CSGALNACT1: variants seen among roughly 807,000 people sequenced by gnomAD.
CSGALNACT1 encodes beta4GalNAcT-1.
CSGALNACT1 carries 52 observed loss-of-function variants against 51.0 expected under a neutral mutation model. The observed-to-expected ratio is 1.02, with a 90% confidence interval of 0.82 to 1.29. CSGALNACT1 has a LOEUF of 1.29. Among genes scored for constraint, CSGALNACT1 ranks in the 50% most tolerant of loss-of-function variants. The probability of loss-of-function intolerance (pLI) is 0.00; values close to 1 mark genes in which losing one functional copy is unlikely to be tolerated. For missense variants in CSGALNACT1, 935 were observed against 679.2 expected (o/e 1.38, Z -4.19); for synonymous variants, 341 against 254.4 (o/e 1.34, Z -3.24).
At chr8:19,523,691 A>G (rs1039761283) in intron 3 of CSGALNACT1, among the ~76,000 whole-genome samples, 1 of 152,202 alleles carries the variant, frequency 6.6e-6, no homozygotes, top group African/African-American at 2.4e-5. Flanking sequence ...TCAAATATCT[A>G]TTAAATGCTT....
rs180886750 is a variant in CSGALNACT1, at chr8:19,471,632, T to C, written c.635-12990A>G. Among the ~76,000 whole-genome samples, 7 of 152,224 alleles carry C rather than the reference T, an allele frequency of 4.6e-5. No homozygotes were observed. The East Asian group carries it at 1.4e-3, about 29-fold the overall frequency. On this transcript the variant is annotated intron_variant, in intron 4 of 9. Transcript: ENST00000454498. ...GGTAACTCAGGGTAACTCCTATCTC[T>C]TCCACCGGTAACAGAGGGGTTACAT...
intron 3 of CSGALNACT1, among the ~76,000 whole-genome samples, chr8:19,510,812 T>C (rs1029496371): frequency 7.2e-5 from 11 of 152,228 alleles, no homozygotes; most frequent in African/African-American, 2.7e-4. Flanking sequence ...TAGTTACAGA[T>C]ACTGTTTACC....
At chr8:19,731,147 C>T (rs2063670657) in intron 1 of CSGALNACT1, among the ~76,000 whole-genome samples, 1 of 152,114 alleles carries the variant, frequency 6.6e-6, no homozygotes, top group African/African-American at 2.4e-5. Flanking sequence ...CTTGTGACGC[C>T]ACTTTTTCAT....
chr8:19,544,096 G>T (rs567383881), intron 3 of CSGALNACT1, among the ~76,000 whole-genome samples: 2 of 148,838 alleles, frequency 1.3e-5, no homozygotes, highest in African/African-American at 5.0e-5. Context: ...TTTTAAACAA[G>T]TTGTTTTGCT....
At chr8:19,454,542 A>T (rs911799523) in intron 5 of CSGALNACT1, among the ~76,000 whole-genome samples, 4 of 152,072 alleles carry the variant, frequency 2.6e-5, no homozygotes, top group Non-Finnish European at 4.4e-5. Context: ...GTGGTGGTAC[A>T]TGCCTGTAAT....
intron 1 of CSGALNACT1, among the ~76,000 whole-genome samples, chr8:19,729,529 G>C (rs955924813): frequency 2.6e-5 from 4 of 152,188 alleles, no homozygotes; most frequent in African/African-American, 9.7e-5. Flanking sequence ...CTGGGATGCT[G>C]TAGAGAGGTT....
chr8:19,485,369 C>A lies in CSGALNACT1; in HGVS notation c.634+19832G>T, dbSNP rs1224390322. Among the ~76,000 whole-genome samples, 4 of 152,204 alleles carry A rather than the reference C, an allele frequency of 2.6e-5. No homozygotes were observed. In the East Asian group the frequency reaches 5.8e-4, roughly 22 times the overall value. ...CCAGATTCCGACTAGGCACTTCTAA[C>A]CCCCTCCACTGTGAGAGATAAAAAT... On this transcript the variant is annotated intron_variant, in intron 4 of 9. Transcript: ENST00000454498.
At chr8:19,523,178 GCAC>G (rs2081056159) in intron 3 of CSGALNACT1, among the ~76,000 whole-genome samples, 1 of 152,156 alleles carries the variant, frequency 6.6e-6, no homozygotes, top group Admixed American at 6.5e-5. Context: ...GAGGGGCGGG[GCAC>G]CACCTTCTCA....
intron 1 of CSGALNACT1, among the ~76,000 whole-genome samples, chr8:19,755,456 C>CAAAAAAAGAAAAAAAAA (rs2065300008): frequency 1.3e-5 from 1 of 74,532 alleles, no homozygotes; most frequent in East Asian, 5.8e-4. Flanking sequence ...TAAAGAAAGA[C>CAAAAAAAGAAAAAAAAA]AAAAAAAAAA....
At chr8:19,655,636 G>T (rs1589296135) in intron 1 of CSGALNACT1, among the ~76,000 whole-genome samples, 2 of 151,820 alleles carry the variant, frequency 1.3e-5, no homozygotes, top group Admixed American at 1.3e-4. Flanking sequence ...CTATGCTATA[G>T]TCTCAAACTC....
intron 3 of CSGALNACT1, among the ~76,000 whole-genome samples, chr8:19,542,448 G>A (rs772651188): frequency 6.6e-6 from 1 of 152,174 alleles, no homozygotes; most frequent in African/African-American, 2.4e-5. Flanking sequence ...GGGGTTCCAT[G>A]TGACAGTCTC....
At chr8:19,544,837 A>G (rs2086091925) in intron 3 of CSGALNACT1, among the ~76,000 whole-genome samples, 1 of 152,160 alleles carries the variant, frequency 6.6e-6, no homozygotes, top group Non-Finnish European at 1.5e-5. Flanking sequence ...TCTCCAAGTA[A>G]AAGCTGTGTA....
chr8:19,549,656 C>CTTTTTTTT (rs542956513), intron 3 of CSGALNACT1, among the ~76,000 whole-genome samples: 9 of 83,468 alleles, frequency 1.1e-4, no homozygotes, highest in African/African-American at 3.2e-4. Context: ...CAATTTCCTA[C>CTTTTTTTT]TTTTTTTTTT....
At chr8:19,580,621 A>T (rs550499797) in intron 3 of CSGALNACT1, among the ~76,000 whole-genome samples, 1 of 152,358 alleles carries the variant, frequency 6.6e-6, no homozygotes, top group South Asian at 2.1e-4. Flanking sequence ...ATGTTCACAT[A>T]CAGTATCAGG....
At chr8:19,598,681 C>G (rs2049514145) in intron 2 of CSGALNACT1, among the ~76,000 whole-genome samples, 2 of 152,172 alleles carry the variant, frequency 1.3e-5, no homozygotes, top group Admixed American at 1.3e-4. Context: ...TTTTTACCCC[C>G]AGATGCTCCA....
intron 4 of CSGALNACT1, chr8:19,495,238 C>T (rs2075247303): frequency 6.6e-6 from 1 of 152,122 alleles, no homozygotes; most frequent in Non-Finnish European, 1.5e-5. Context: ...TGTAGAGAAA[C>T]ATTGGAAGCT....
At chr8:19,678,329 A>G (rs2060347801) in intron 1 of CSGALNACT1, among the ~76,000 whole-genome samples, 1 of 152,096 alleles carries the variant, frequency 6.6e-6, no homozygotes, top group Non-Finnish European at 1.5e-5. Context: ...ACAAACAGGC[A>G]AAGTTTTCGG....
At chr8:19,735,675 G>A (rs573962447) in intron 1 of CSGALNACT1, among the ~76,000 whole-genome samples, 63 of 152,236 alleles carry the variant, frequency 4.1e-4, no homozygotes, top group African/African-American at 1.5e-3. Flanking sequence ...TTTATGTATT[G>A]AAAGACAGAA....
intron 1 of CSGALNACT1, among the ~76,000 whole-genome samples, chr8:19,660,179 G>A (rs188929443): frequency 1.4e-4 from 22 of 152,262 alleles, no homozygotes; most frequent in Non-Finnish European, 2.5e-4. Context: ...CATCGATACA[G>A]GGCATTCTAT....
Sources: allele counts gnomAD v4.1 joint callset (sites outside exome capture counted in the v4.1 genomes callset), GRCh38; gene constraint gnomAD v4.1.1; transcripts MANE v1.5; gene names NCBI Gene and HGNC (gene_info 2026-07-23, HGNC 2026-07-21).